The following EXD1 variants were observed in gnomAD, a reference collection of about 807,000 sequenced individuals.
EXD1 encodes piRNA biogenesis protein EXD1.
EXD1 carries 63 observed loss-of-function variants against 49.1 expected under a neutral mutation model. The observed-to-expected ratio is 1.28, with a 90% confidence interval of 1.05 to 1.58. The LOEUF (loss-of-function observed/expected upper bound fraction) is 1.58, where lower values mean the gene tolerates loss of function less well. EXD1 is among the 40% of genes most tolerant of loss of function. The probability of loss-of-function intolerance (pLI) is 0.00; values close to 1 mark genes in which losing one functional copy is unlikely to be tolerated. For synonymous variants in EXD1, 234 were observed against 239.2 expected, an observed-to-expected ratio of 0.98 and a Z score of 0.20; for missense variants, 748 against 666.0, an observed-to-expected ratio of 1.12 and a Z score of -1.36.
intron 6 of EXD1, 117 bp downstream of exon 6, chr15:41,215,658 C>G (rs551570825): frequency 2.8e-6 from 3 of 1,054,966 alleles, no homozygotes; most frequent in Non-Finnish European, 4.3e-6. Context: ...TGCACTCCAA[C>G]CTGGGCGATA....
chr15:41,226,403 T>C (rs928835562), intron 2 of EXD1, 40 bp downstream of exon 2: 2 of 1,525,834 alleles, frequency 1.3e-6, no homozygotes, highest in African/African-American at 1.4e-5. Flanking sequence ...CAATCACTAA[T>C]CTCTTAAAAG....
chr15:41,185,433 A>C (rs1466637266), intron 11 of EXD1, among the ~76,000 whole-genome samples: 1 of 151,654 alleles, frequency 6.6e-6, no homozygotes, highest in African/African-American at 2.4e-5. Context: ...GTAACCTATA[A>C]CACCTGGCCT....
At chr15:41,213,672 T>C (rs1248208760) in intron 6 of EXD1, among the ~76,000 whole-genome samples, 2 of 152,086 alleles carry the variant, frequency 1.3e-5, no homozygotes, top group African/African-American at 2.4e-5. Flanking sequence ...CTAATTTTTG[T>C]ATTTTTAGTA....
intron 3 of EXD1, 54 bp from the exon 4 acceptor site, chr15:41,217,208 C>T: frequency 2.8e-6 from 4 of 1,412,144 alleles, no homozygotes; most frequent in Non-Finnish European, 4.0e-6. Context: ...AATCAATTAA[C>T]TACTCCACTA....
intron 2 of EXD1, among the ~76,000 whole-genome samples, chr15:41,221,872 C>T (rs999834025): frequency 4.0e-5 from 6 of 151,782 alleles, no homozygotes; most frequent in South Asian, 4.2e-4. Flanking sequence ...GAGGCTGAGG[C>T]GGGTGGATCA....
intron 10 of EXD1, among the ~76,000 whole-genome samples, chr15:41,191,216 G>A (rs969362942): frequency 4.6e-5 from 7 of 152,074 alleles, no homozygotes; most frequent in East Asian, 1.9e-4. Flanking sequence ...GTGAGCCACC[G>A]AGCCCGGCCT....
chr15:41,184,530 C>T lies in EXD1; in HGVS notation c.1120G>A (p.Glu374Lys). The change falls in exon 12 of 12, where the codon GAG becomes AAG. Residue 374 changes from glutamate to lysine, a missense_variant. Glu to Lys is a moderately conservative substitution (Grantham distance 56, BLOSUM62 1). Coordinates refer to ENST00000458580, the MANE Select transcript of EXD1 (RefSeq NM_001286441.2). ...ACCCTATATTCTCTTGCAGCTTTCT[C>T]CCTGCGCTGCTTCTGGAAGTCCTTG... ...QLKDFQKQRREKAAREYRVNA... is the reference protein window; with the variant it reads ...QLKDFQKQRRKKAAREYRVNA... The T allele has an allele frequency of 6.2e-7, 1 of 1,612,688 alleles. No individual in the cohort carries two copies. Among genetic ancestry groups the T allele is most frequent in the Non-Finnish European group, 8.5e-7 (1 of 1,179,640 alleles).
In EXD1 at chr15:41,215,972, G is replaced by A. The variant is rs112105050; in HGVS notation, c.389-139C>T. On this transcript the variant is annotated intron_variant, in intron 5 of 11. Coordinates refer to ENST00000458580, the MANE Select transcript of EXD1 (RefSeq NM_001286441.2). ...AAAATTGCAAAACCACCCTCCCTACGTACTACTTCTCTTCCTTTTTTTTCC... is the reference window on the plus strand; with the variant it reads ...AAAATTGCAAAACCACCCTCCCTACATACTACTTCTCTTCCTTTTTTTTCC... 47 of 704,386 alleles carry A rather than the reference G, an allele frequency of 6.7e-5. 1 individual carries two copies. Among genetic ancestry groups the A allele is most frequent in the Middle Eastern group, 2.4e-4 (1 of 4,132 alleles). The allele number at this position is 704,386 out of a possible 1,614,324, so 43.6% of individuals were successfully genotyped here. A position where few individuals can be genotyped will look rare whatever the true frequency, so the allele number is the denominator to read the frequency against.
At chr15:41,211,785 C>A (rs1467822077) in intron 6 of EXD1, among the ~76,000 whole-genome samples, 2 of 126,704 alleles carry the variant, frequency 1.6e-5, no homozygotes, top group African/African-American at 7.8e-5. Context: ...CACAACAAGA[C>A]CTCATTTCTT....
chr15:41,217,012 G>T, intron 4 of EXD1, 85 bp downstream of exon 4: 1 of 1,354,530 alleles, frequency 7.4e-7, no homozygotes, highest in South Asian at 1.2e-5. Context: ...AAGGAATTAA[G>T]CAGCTGGTGA....
rs2047167994 is a variant in EXD1 at position 41,226,593 on chromosome 15, G to A, written c.-18C>T. On this transcript the variant is annotated 5_prime_UTR_variant, in exon 2 of 12. Coordinates refer to ENST00000458580, the MANE Select transcript of EXD1 (RefSeq NM_001286441.2). ...GGGTCCATGCTAATTGATTCCAAAA[G>A]CCGTCTTCAAATAATCTTCTTTAAG... 3 of 1,528,920 alleles carry A rather than the reference G, an allele frequency of 2.0e-6. No homozygotes were observed. Among genetic ancestry groups the A allele is most frequent in the Non-Finnish European group, 2.6e-6 (3 of 1,143,502 alleles). The allele number at this position is 1,528,920 out of a possible 1,614,324, so 94.7% of individuals were successfully genotyped here.
intron 9 of EXD1, 43 bp downstream of exon 9, chr15:41,195,732 A>T: frequency 6.7e-7 from 1 of 1,495,854 alleles, no homozygotes; most frequent in Non-Finnish European, 9.1e-7. Flanking sequence ...TATCTACAGG[A>T]GCTGTATATA....
intron 6 of EXD1, among the ~76,000 whole-genome samples, chr15:41,214,370 TG>T (rs1422075789): frequency 6.7e-6 from 1 of 150,060 alleles, no homozygotes; most frequent in Non-Finnish European, 1.5e-5. Flanking sequence ...AAAAATTAGC[TG>T]GCGTGGTGGT....
chr15:41,219,410 C>T (rs2140899909), intron 3 of EXD1: 1 of 154,676 alleles, frequency 6.5e-6, no homozygotes. Flanking sequence ...GAGGACTGCC[C>T]AGACTTTCTG....
chr15:41,184,049 C>T lies in EXD1; in HGVS notation c.1601G>A (p.Arg534Lys), dbSNP rs370572579. ...ATAAAAAGTGTCACTTGGAGACACTCTGGTTTCCTGAGGAAAGGAAGACAT... is the reference window on the plus strand; with the variant it reads ...ATAAAAAGTGTCACTTGGAGACACTTTGGTTTCCTGAGGAAAGGAAGACAT... The part of the protein sequence containing the change: ...VSMSSFPQET[R>K]VSPSDTFYPI... Residue 534 changes from arginine to lysine, a missense_variant, in exon 12 of 12, where the codon AGA becomes AAA. Transcript: ENST00000458580. The T allele has an allele frequency of 6.2e-7, 1 of 1,614,190 alleles. No individual in the cohort carries two copies. The highest frequency in any genetic ancestry group is 8.5e-7 in the Non-Finnish European group (1 of 1,180,028).
At chr15:41,218,545 G>A (rs113838418) in intron 3 of EXD1, among the ~76,000 whole-genome samples, 1 of 151,412 alleles carries the variant, frequency 6.6e-6, no homozygotes, top group Non-Finnish European at 1.5e-5. Flanking sequence ...AATTTAGGAG[G>A]CAATGAATTC....
chr15:41,183,915 A>C lies in EXD1; in HGVS notation c.*16T>G, dbSNP rs1175317438. 1.3e-6 allele frequency: 2 copies of C among 1,558,934 alleles called. No individual in the cohort carries two copies. The highest frequency in any genetic ancestry group is 1.7e-6 in the Non-Finnish European group (2 of 1,154,814). ...AATAAGCCATCTGTATGGCCTTAAG[A>C]ACAAACTGCCCATCTCTAGGGCAGA... On this transcript the variant is annotated 3_prime_UTR_variant, in exon 12 of 12. Transcript: ENST00000458580.
intron 9 of EXD1, chr15:41,191,869 C>G: frequency 3.9e-6 from 1 of 256,952 alleles, no homozygotes; most frequent in Non-Finnish European, 7.3e-6. Context: ...CTCCACTTCC[C>G]AGGTTCAAGT....
chr15:41,197,254 G>A (rs554258975), intron 7 of EXD1, among the ~76,000 whole-genome samples: 2 of 144,986 alleles, frequency 1.4e-5, no homozygotes, highest in Middle Eastern at 4.1e-3. Context: ...TTGAGACGGA[G>A]TCTTGCTCTG....
Sources: gnomAD v4.1 joint callset for allele counts (sites outside exome capture counted in the v4.1 genomes callset) on GRCh38, gnomAD v4.1.1 for gene constraint, MANE v1.5 for transcripts, NCBI Gene and HGNC (gene_info 2026-07-23, HGNC 2026-07-21) for gene names.